CA10: variants seen among roughly 807,000 people sequenced by gnomAD.
The protein encoded by CA10 is carbonic anhydrase 10 (inactive).
CA10 carries 14 observed loss-of-function variants against 44.2 expected under a neutral mutation model. The ratio of observed to expected loss-of-function variants is 0.32; its 90% CI spans 0.21 to 0.50. The LOEUF (loss-of-function observed/expected upper bound fraction) is 0.50. CA10 is among the 20% of genes least tolerant of loss of function. The pLI is 0.99. For missense variants in CA10, 350 were observed against 409.7 expected, an observed-to-expected ratio of 0.85 and a Z score of 1.26; for synonymous variants, 159 against 141.6, an observed-to-expected ratio of 1.12 and a Z score of -0.87.
At chr17:51,930,575 T>C (rs529505252) in intron 3 of CA10, among the ~76,000 whole-genome samples, 1 of 152,264 alleles carries the variant, frequency 6.6e-6, no homozygotes, top group African/African-American at 2.4e-5. Flanking sequence ...TTGTCTGTTT[T>C]TTTCCTCCCA....
At chr17:51,758,379 G>A (rs1220520483) in intron 3 of CA10, among the ~76,000 whole-genome samples, 1 of 152,196 alleles carries the variant, frequency 6.6e-6, no homozygotes, top group Non-Finnish European at 1.5e-5. Flanking sequence ...ATTGATCTTG[G>A]TAATGACAAA....
chr17:52,033,795 A>G (rs1986537292), intron 2 of CA10, among the ~76,000 whole-genome samples: 1 of 152,204 alleles, frequency 6.6e-6, no homozygotes, highest in Non-Finnish European at 1.5e-5. Flanking sequence ...AAGTGAAAAT[A>G]TCTCTTTTGA....
At chr17:51,810,757 T>C (rs1907329137) in intron 3 of CA10, among the ~76,000 whole-genome samples, 1 of 152,152 alleles carries the variant, frequency 6.6e-6, no homozygotes, top group African/African-American at 2.4e-5. Context: ...TGAGGTTCCC[T>C]GTTGAGAAAA....
chr17:51,853,801 C>G (rs1978912200), intron 3 of CA10, among the ~76,000 whole-genome samples: 1 of 152,136 alleles, frequency 6.6e-6, no homozygotes, highest in Non-Finnish European at 1.5e-5. Flanking sequence ...AAGTGTTTGA[C>G]TGTTCCTCCT....
intron 3 of CA10, among the ~76,000 whole-genome samples, chr17:51,755,233 C>T (rs991039978): frequency 2.0e-5 from 3 of 152,126 alleles, no homozygotes; most frequent in Non-Finnish European, 4.4e-5. Flanking sequence ...TGTAAATCCC[C>T]TATTGTTTTG....
At chr17:51,920,591 G>A (rs1265009932) in intron 3 of CA10, among the ~76,000 whole-genome samples, 2 of 152,110 alleles carry the variant, frequency 1.3e-5, no homozygotes, top group African/African-American at 4.8e-5. Context: ...TGTTTCCTTG[G>A]GAGATTTGCC....
At chr17:51,993,981 A>G (rs1299881125) in intron 2 of CA10, among the ~76,000 whole-genome samples, 1 of 152,132 alleles carries the variant, frequency 6.6e-6, no homozygotes, top group Non-Finnish European at 1.5e-5. Context: ...AAAGGCAATA[A>G]AATAGGTACA....
intron 4 of CA10, among the ~76,000 whole-genome samples, chr17:51,654,918 C>T (rs1002825074): frequency 1.3e-5 from 2 of 151,876 alleles, no homozygotes; most frequent in Non-Finnish European, 1.5e-5. Context: ...CCCCCCACCA[C>T]CTCTTTCTAA....
chr17:51,820,658 G>A (rs1907746622), intron 3 of CA10, among the ~76,000 whole-genome samples: 1 of 152,022 alleles, frequency 6.6e-6, no homozygotes, highest in African/African-American at 2.4e-5. Context: ...GAAGACCTAA[G>A]TTTGACTCCC....
intron 2 of CA10, among the ~76,000 whole-genome samples, chr17:51,957,692 G>T (rs942031358): frequency 4.6e-5 from 7 of 152,038 alleles, no homozygotes; most frequent in Admixed American, 4.6e-4. Context: ...ATACAACTTA[G>T]TTCAAGAGAA....
At position 51,669,590 on chromosome 17, in the gene CA10, G is replaced by A. The variant is rs776748384; in HGVS notation, c.466-15854C>T. On this transcript the variant is annotated intron_variant, in intron 4 of 8. Transcript: ENST00000451037. ...TTTTATGAGCTGTAACACTCACCGC[G>A]AAGGTCTGCAGCTTCACTCCTGAAG... Among the ~76,000 whole-genome samples the A allele has an allele frequency of 5.9e-5, 9 of 152,080 alleles. No individual in the cohort carries two copies. In the South Asian group the frequency reaches 6.2e-4, roughly 11 times the overall value.
chr17:51,978,380 G>GTC (rs1984533311), intron 2 of CA10, among the ~76,000 whole-genome samples: 1 of 148,738 alleles, frequency 6.7e-6, no homozygotes, highest in African/African-American at 2.6e-5. Flanking sequence ...GTGTGTGTCT[G>GTC]TATGTGTGTG....
intron 2 of CA10, among the ~76,000 whole-genome samples, chr17:52,052,626 A>G (rs1460376212): frequency 1.3e-5 from 2 of 152,114 alleles, no homozygotes; most frequent in African/African-American, 2.4e-5. Flanking sequence ...GAATAGGATC[A>G]GATTTAATAA....
intron 1 of CA10, among the ~76,000 whole-genome samples, chr17:52,144,506 A>C (rs1989543129): frequency 6.6e-6 from 1 of 152,174 alleles, no homozygotes; most frequent in African/African-American, 2.4e-5. Flanking sequence ...TAATTTCTTA[A>C]TTTTTAAAAA....
At chr17:52,157,318 A>C (rs1437857211) in intron 1 of CA10, among the ~76,000 whole-genome samples, 5 of 152,126 alleles carry the variant, frequency 3.3e-5, no homozygotes, top group Admixed American at 6.5e-5. Flanking sequence ...ATACCCGGGC[A>C]GGGCCCCGCG....
chr17:51,722,710 A>G (rs552710309), intron 4 of CA10, among the ~76,000 whole-genome samples: 13 of 152,298 alleles, frequency 8.5e-5, no homozygotes, highest in Non-Finnish European at 1.6e-4. Flanking sequence ...TCCAAATGAG[A>G]GAATGGAATC....
intron 1 of CA10, among the ~76,000 whole-genome samples, chr17:52,111,848 G>C (rs1345705066): frequency 6.6e-6 from 1 of 152,036 alleles, no homozygotes; most frequent in African/African-American, 2.4e-5. Flanking sequence ...GGTGACTAGG[G>C]ACAAATAAAA....
chr17:52,117,687 T>TAA, intron 1 of CA10, among the ~76,000 whole-genome samples: 1 of 152,208 alleles, frequency 6.6e-6, no homozygotes, highest in Non-Finnish European at 1.5e-5. Flanking sequence ...ACATTACAGT[T>TAA]AAAAATTCCT....
chr17:51,870,991 G>C (rs1056053469), intron 3 of CA10, among the ~76,000 whole-genome samples: 3 of 150,624 alleles, frequency 2.0e-5, no homozygotes, highest in Non-Finnish European at 4.4e-5. Flanking sequence ...TTGAATGGTA[G>C]AGATTTCTTC....
Sources: gnomAD v4.1 joint callset for allele counts (sites outside exome capture counted in the v4.1 genomes callset) on GRCh38, gnomAD v4.1.1 for gene constraint, MANE v1.5 for transcripts, NCBI Gene and HGNC (gene_info 2026-07-23, HGNC 2026-07-21) for gene names.